Variants in CLSTN1 observed in about 807,000 individuals in gnomAD.
The protein encoded by CLSTN1 is calsyntenin-1.
Under a neutral mutation model 108.3 loss-of-function variants are expected in CLSTN1, and 28 were observed. The ratio of observed to expected loss-of-function variants is 0.26; its 90% CI spans 0.19 to 0.35. The LOEUF is 0.35. Among genes scored for constraint, CLSTN1 ranks in the 10% least tolerant of loss-of-function variants. The pLI, the probability that CLSTN1 is intolerant of heterozygous loss-of-function variation, is 1.00. For missense variants in CLSTN1, 1,157 were observed against 1,302.6 expected (o/e 0.89, Z 1.72); for synonymous variants, 524 against 534.9 (o/e 0.98, Z 0.28).
chr1:9,739,385 G>T (rs1038724697), intron 10 of CLSTN1, among the ~76,000 whole-genome samples: 5 of 152,146 alleles, frequency 3.3e-5, no homozygotes, highest in Non-Finnish European at 7.4e-5. Context: ...AAGTACCACT[G>T]GTGTTACTGT....
rs140879919 is a variant in CLSTN1 at position 9,734,419 on chromosome 1, A to G, written c.2111-277T>C. On this transcript the variant is annotated intron_variant, in intron 14 of 18. Transcript: ENST00000377298. The surrounding 1 kb of genome is among the most constrained non-coding windows in gnomAD (Gnocchi z 4.8). ...GTGAAAGCCCGTCTCTACTAAAAAT[A>G]CAAAAATTAACCGGGCGTTGTGGCA... 4.2e-3 allele frequency among the ~76,000 whole-genome samples: 637 copies of G among 152,262 alleles called. 12 individuals are homozygous for G. In the East Asian group the frequency reaches 0.043, roughly 10 times the overall value.
intron 13 of CLSTN1, 62 bp from the exon 14 acceptor site, chr1:9,735,236 C>T (rs1650621897): frequency 6.4e-7 from 1 of 1,565,360 alleles, no homozygotes. Context: ...CCCACCTGTG[C>T]AAAGGCACAT....
At chr1:9,741,318 A>G in intron 9 of CLSTN1, 62 bp from the exon 10 acceptor site, 1 of 1,507,290 alleles carries the variant, frequency 6.6e-7, no homozygotes, top group South Asian at 1.2e-5. Flanking sequence ...ATCAATGCCC[A>G]TGGAAACCAA....
At chr1:9,824,136 C>A (rs867279377), upstream of CLSTN1, 1 of 144,892 alleles carries the variant, frequency 6.9e-6, no homozygotes, top group African/African-American at 2.5e-5. This position sits in a 1 kb window ranked among gnomAD's most constrained non-coding sequence, Gnocchi z 5.0. Flanking sequence ...GCGGCGGACC[C>A]GGCAGCGGGC....
chr1:9,796,720 T>G (rs1570505200), intron 1 of CLSTN1, among the ~76,000 whole-genome samples: 1 of 152,104 alleles, frequency 6.6e-6, no homozygotes, highest in East Asian at 1.9e-4. Context: ...GTGAATTATT[T>G]ACAACAGGTT....
chr1:9,755,380 C>A (rs966044969), intron 3 of CLSTN1, 71 bp from the exon 4 acceptor site: 5 of 1,256,342 alleles, frequency 4.0e-6, no homozygotes, highest in South Asian at 2.8e-5. Context: ...CTCCTCCCCC[C>A]ATCTCCACCC....
intron 6 of CLSTN1, 43 bp from the exon 7 acceptor site, chr1:9,749,689 C>A: frequency 6.2e-7 from 1 of 1,610,928 alleles, no homozygotes; most frequent in Non-Finnish European, 8.5e-7. Context: ...AGAAGGAAAA[C>A]ACACACTCTA....
intron 1 of CLSTN1, among the ~76,000 whole-genome samples, chr1:9,775,973 T>A (rs866352580): frequency 4.0e-5 from 6 of 148,418 alleles, no homozygotes; most frequent in Middle Eastern, 3.6e-3. Flanking sequence ...AGCTGCCTCC[T>A]CTCTTTTTTT....
At chr1:9,745,070 T>C (rs549607903) in intron 7 of CLSTN1, among the ~76,000 whole-genome samples, 22 of 152,118 alleles carry the variant, frequency 1.4e-4, no homozygotes, top group African/African-American at 5.1e-4. Context: ...TTACTTCTCT[T>C]CAAAAATCAG....
rs376955871 is a variant in CLSTN1, at chr1:9,745,636, G to A, written c.986-993C>T. Among the ~76,000 whole-genome samples the A allele has an allele frequency of 5.4e-4, 82 of 152,162 alleles. 2 individuals carry two copies. The South Asian group carries it at 0.012, about 23-fold the overall frequency. The stretch of plus-strand genomic sequence containing the variant: ...TGTGCCACTATACTCCAGCCTGGGC[G>A]AGTGCGACCCTGTCTCAAAAATATA... On this transcript the variant is annotated intron_variant, in intron 7 of 18. Coordinates refer to ENST00000377298, the MANE Select transcript of CLSTN1 (RefSeq NM_001009566.3).
chr1:9,783,715 G>A (rs557845162), intron 1 of CLSTN1, among the ~76,000 whole-genome samples: 6 of 150,952 alleles, frequency 4.0e-5, no homozygotes, highest in South Asian at 2.1e-4. Context: ...AAAATTGGCC[G>A]GGCACAGTGG....
intron 2 of CLSTN1, among the ~76,000 whole-genome samples, chr1:9,771,798 G>A (rs879532402): frequency 1.3e-5 from 2 of 152,080 alleles, no homozygotes; most frequent in African/African-American, 4.8e-5. Context: ...GCTGGTTCAC[G>A]GGTGACTGTG....
chr1:9,745,474 T>G (rs1410318687), intron 7 of CLSTN1, among the ~76,000 whole-genome samples: 2 of 152,050 alleles, frequency 1.3e-5, no homozygotes, highest in South Asian at 2.1e-4. Context: ...CTGGACAACA[T>G]GGCAAAACCC....
At chr1:9,786,053 G>A (rs1458685657) in intron 1 of CLSTN1, among the ~76,000 whole-genome samples, 1 of 151,950 alleles carries the variant, frequency 6.6e-6, no homozygotes, top group Non-Finnish European at 1.5e-5. Context: ...TGGTACACTT[G>A]GGAGCTACTT....
In CLSTN1 at chr1:9,751,529, T is replaced by C. The variant is rs992853015; in HGVS notation, c.593A>G (p.Gln198Arg). ...AGTGATGATTTCGTAGCTGCAAATC[T>C]GGCTGAACTGAGGGGAGCAGTCGGC... is the stretch of plus-strand genomic sequence containing the variant. Reference protein sequence around the residue: ...VDADCSPQFSQICSYEIITPD... With the variant: ...VDADCSPQFSRICSYEIITPD... The change falls in exon 5 of 19, where the codon CAG becomes CGG. Residue 198 changes from glutamine (Q) to arginine (R), a missense_variant. Coordinates refer to ENST00000377298, the MANE Select transcript of CLSTN1 (RefSeq NM_001009566.3). 13 of 1,614,058 alleles carry C rather than the reference T, an allele frequency of 8.1e-6. No homozygotes were observed. Among genetic ancestry groups the C allele is most frequent in the South Asian group, 1.1e-5 (1 of 91,084 alleles).
At chr1:9,736,257 G>A (rs1440930344) in intron 11 of CLSTN1, among the ~76,000 whole-genome samples, 1 of 152,218 alleles carries the variant, frequency 6.6e-6, no homozygotes, top group Admixed American at 6.5e-5. Flanking sequence ...GAAAGGGAGA[G>A]TTGGGGGTGT....
intron 1 of CLSTN1, among the ~76,000 whole-genome samples, chr1:9,790,812 G>A (rs1439369237): frequency 2.0e-5 from 3 of 151,080 alleles, no homozygotes; most frequent in Non-Finnish European, 4.4e-5. Flanking sequence ...TGTGACGATC[G>A]CAAATGTGCT....
At chr1:9,768,413 G>GTAT (rs1652467891) in intron 2 of CLSTN1, among the ~76,000 whole-genome samples, 1 of 52,554 alleles carries the variant, frequency 1.9e-5, no homozygotes, top group Non-Finnish European at 2.9e-5. Flanking sequence ...GGGCGGCACC[G>GTAT]GGGGGCGGGG....
At chr1:9,750,581 G>C (rs373260746) in intron 5 of CLSTN1, among the ~76,000 whole-genome samples, 1 of 152,002 alleles carries the variant, frequency 6.6e-6, no homozygotes, top group African/African-American at 2.4e-5. Context: ...GACTACAGGT[G>C]TGTGCCTGCA....
Sources: allele counts gnomAD v4.1 joint callset (sites outside exome capture counted in the v4.1 genomes callset), GRCh38; gene constraint gnomAD v4.1.1; non-coding constraint Gnocchi (gnomAD v3.1); transcripts MANE v1.5; gene names NCBI Gene and HGNC (gene_info 2026-07-23, HGNC 2026-07-21).